The following DHX37 variants were observed in gnomAD, a reference collection of about 807,000 sequenced individuals.
DHX37 encodes the protein DEAH-box helicase 37.
DHX37 carries 52 observed loss-of-function variants against 134.3 expected under a neutral mutation model. That is an observed-to-expected ratio of 0.39 (90% CI 0.31 to 0.49). The LOEUF (loss-of-function observed/expected upper bound fraction) is 0.49. Ranked by LOEUF, DHX37 falls within the 20% of genes least tolerant of loss-of-function variation. DHX37 has a pLI of 0.93. For missense variants in DHX37, 1,344 were observed against 1,580.8 expected (o/e 0.85, Z 2.54); for synonymous variants, 634 against 670.7 (o/e 0.95, Z 0.85).
At chr12:124,976,140 T>C (rs529385588) in intron 5 of DHX37, among the ~76,000 whole-genome samples, 5 of 152,316 alleles carry the variant, frequency 3.3e-5, no homozygotes, top group Non-Finnish European at 7.4e-5. Context: ...TGGTGGAGGA[T>C]AGTTCCTGTG....
Position 124,955,751 on chromosome 12 carries a change from C to T in DHX37, c.2453+940G>A, listed in dbSNP as rs1481685738. 2.0e-5 allele frequency among the ~76,000 whole-genome samples: 3 copies of T among 152,280 alleles called. No homozygotes were observed. The East Asian group carries it at 5.8e-4, about 29-fold the overall frequency. The stretch of plus-strand genomic sequence containing the variant: ...CACTGGCCAATACAGTGGCCACTAG[C>T]CACATGTGGCTGTTTAAATTTAAAC... On this transcript the variant is annotated intron_variant, in intron 18 of 26. Transcript: ENST00000308736.
Position 124,952,571 on chromosome 12 carries a change from C to A in DHX37, c.2696-1G>T. The A allele has an allele frequency of 6.3e-7, 1 of 1,577,792 alleles. No homozygotes were observed. Reference sequence around the variant, plus strand: ...TCAGCCTCGGGGCACACGGCATTGACTGAGGGGAGAACCAAGAGTGAGGTC... The same window carrying A: ...TCAGCCTCGGGGCACACGGCATTGAATGAGGGGAGAACCAAGAGTGAGGTC... On this transcript the variant is annotated splice_acceptor_variant, in intron 20 of 26. Coordinates refer to ENST00000308736, the MANE Select transcript of DHX37 (RefSeq NM_032656.4). LOFTEE classifies it high-confidence loss of function.
intron 13 of DHX37, 152 bp from the exon 14 acceptor site, chr12:124,965,158 A>G: frequency 3.6e-6 from 3 of 827,608 alleles, no homozygotes; most frequent in Non-Finnish European, 5.6e-6. Context: ...AGCCAGGCCA[A>G]GCCTGGGGGA....
chr12:124,960,959 C>T (rs1395459867), intron 15 of DHX37, among the ~76,000 whole-genome samples: 5 of 152,226 alleles, frequency 3.3e-5, no homozygotes, highest in African/African-American at 1.2e-4. Flanking sequence ...GTCTCAAAAC[C>T]AAAAGAAAAG....
At chr12:124,976,654 C>A (rs1954647363) in intron 5 of DHX37, among the ~76,000 whole-genome samples, 1 of 152,012 alleles carries the variant, frequency 6.6e-6, no homozygotes. Flanking sequence ...ATGGTGAAAC[C>A]CCGTCTCTAC....
Position 124,968,652 on chromosome 12 carries a change from T to G in DHX37, c.1294-4A>C. 1 of 1,613,900 alleles carries G rather than the reference T, an allele frequency of 6.2e-7. No homozygotes were observed. The highest frequency in any genetic ancestry group is 8.5e-7 in the Non-Finnish European group (1 of 1,180,032). ...CTGGGAACTGCCTGGATTCCACCTG[T>G]GGGACGCCCAGGAAGGCATGGGGAG... On this transcript the variant is annotated splice_polypyrimidine_tract_variant and splice_region_variant and intron_variant, in intron 9 of 26. Coordinates refer to ENST00000308736, the MANE Select transcript of DHX37 (RefSeq NM_032656.4).
At chr12:124,958,576 T>C (rs1954152148) in intron 16 of DHX37, among the ~76,000 whole-genome samples, 1 of 152,180 alleles carries the variant, frequency 6.6e-6, no homozygotes, top group African/African-American at 2.4e-5. Flanking sequence ...GAGGATAACC[T>C]GAGGTCACAC....
At chr12:124,959,234 C>T (rs111447411) in intron 16 of DHX37, among the ~76,000 whole-genome samples, 5,602 of 152,140 alleles carry the variant, frequency 0.037, 365 homozygotes, top group African/African-American at 0.13. Flanking sequence ...CCACCACACT[C>T]AGCTAATTTT....
intron 12 of DHX37, 133 bp downstream of exon 12, chr12:124,966,660 G>C: frequency 1.1e-6 from 1 of 950,606 alleles, no homozygotes; most frequent in African/African-American, 1.6e-5. Flanking sequence ...CACTGTGCCT[G>C]ACCAGGAACT....
intron 1 of DHX37, among the ~76,000 whole-genome samples, chr12:124,988,624 A>G (rs1281751862): frequency 6.6e-6 from 1 of 152,156 alleles, no homozygotes; most frequent in Non-Finnish European, 1.5e-5. Context: ...GAGATTATAA[A>G]GAGATTATAA....
rs775920696 is a variant in DHX37, at chr12:124,952,467, C to A, written c.2799G>T (p.Leu933=). The change falls in exon 21 of 27, where the codon CTG becomes CTT. Residue 933 remains leucine (L), a synonymous_variant. Coordinates refer to ENST00000308736, the MANE Select transcript of DHX37 (RefSeq NM_032656.4). ...GGACCCTGCGGGCCAAGTGGTCCCCCAGGCCTGCCGTCACGATCTGTCGCA... is the reference window on the plus strand; with the variant it reads ...GGACCCTGCGGGCCAAGTGGTCCCCAAGGCCTGCCGTCACGATCTGTCGCA... ...TYLRQIVTAG[L]GDHLARRVQS... 2.5e-6 allele frequency: 4 copies of A among 1,611,392 alleles called. No homozygotes were observed. The highest frequency in any genetic ancestry group is 2.2e-5 in the South Asian group (2 of 90,940).
chr12:124,964,086 T>C (rs375418756), intron 15 of DHX37, among the ~76,000 whole-genome samples: 5 of 149,916 alleles, frequency 3.3e-5, no homozygotes, highest in East Asian at 3.9e-4. Context: ...TCCCAGCTAT[T>C]TGGGAGGCTA....
At chr12:124,961,799 G>A (rs1419754300) in intron 15 of DHX37, among the ~76,000 whole-genome samples, 1 of 152,078 alleles carries the variant, frequency 6.6e-6, no homozygotes, top group Non-Finnish European at 1.5e-5. Flanking sequence ...ATCTGAATAG[G>A]CAGTTCCCTA....
intron 16 of DHX37, among the ~76,000 whole-genome samples, chr12:124,959,357 G>A (rs1954178201): frequency 6.6e-6 from 1 of 151,614 alleles, no homozygotes; most frequent in South Asian, 2.1e-4. Context: ...ACAGGCGTGA[G>A]CCACCACGCC....
chr12:124,950,838 G>A (rs751221066), intron 21 of DHX37, 34 bp from the exon 22 acceptor site: 1 of 1,561,244 alleles, frequency 6.4e-7, no homozygotes, highest in Admixed American at 2.2e-5. Flanking sequence ...GGTCAGGGAA[G>A]AACCCATGCC....
chr12:124,964,848 A>G, intron 14 of DHX37, 82 bp downstream of exon 14: 1 of 1,470,900 alleles, frequency 6.8e-7, no homozygotes, highest in Non-Finnish European at 9.2e-7. Flanking sequence ...GCAGATGGAG[A>G]GGACCACCAA....
chr12:124,984,991 G>A (rs945821650), intron 2 of DHX37, among the ~76,000 whole-genome samples: 3 of 152,254 alleles, frequency 2.0e-5, no homozygotes, highest in African/African-American at 4.8e-5. Flanking sequence ...AGGAAAGGCC[G>A]AGGGAAGAGG....
In DHX37 at chr12:124,954,210, G is replaced by C; in HGVS notation, c.2455C>G (p.Pro819Ala). ...VRELFEELDR[P>A]AASDEELTRL... ...GTGAGCTCCTCGTCACTGGCCGCTG[G>C]TCTGCAAACACACATACATACTGTC... The change falls in exon 19 of 27, where the codon CCA becomes GCA. Residue 819 changes from proline to alanine, a missense_variant and splice_region_variant. Pro to Ala is a conservative substitution (Grantham distance 27, BLOSUM62 -1). This residue lies in a region of DHX37 where 558 missense variants were observed against 650.0 expected (regional missense o/e 0.86). Coordinates refer to ENST00000308736, the MANE Select transcript of DHX37 (RefSeq NM_032656.4). The C allele has an allele frequency of 6.3e-7, 1 of 1,591,856 alleles. No individual in the cohort carries two copies. The highest frequency in any genetic ancestry group is 8.5e-7 in the Non-Finnish European group (1 of 1,170,728).
At position 124,960,327 on chromosome 12, in the gene DHX37, C is replaced by T. The variant is rs138045901; in HGVS notation, c.2142G>A (p.Ala714=). The T allele has an allele frequency of 2.5e-5, 40 of 1,613,484 alleles. No homozygotes were observed. The highest frequency in any genetic ancestry group is 5.3e-5 in the African/African-American group (4 of 74,904). The change falls in exon 16 of 27, where the codon GCG becomes GCA. Residue 714 remains alanine, a synonymous_variant. Transcript: ENST00000308736. ...PVEDLILQMK[A]LNVEKVINFP... is the part of the protein sequence containing the mutation. ...AGCAACTGACCTTTTCAACGTTGAG[C>T]GCCTTCATTTGAAGGATTAAGTCTT...
Sources: allele counts gnomAD v4.1 joint callset (sites outside exome capture counted in the v4.1 genomes callset), GRCh38; gene constraint gnomAD v4.1.1; regional missense constraint gnomAD v4.1.1; transcripts MANE v1.5; gene names NCBI Gene and HGNC (gene_info 2026-07-23, HGNC 2026-07-21).